The following SNTG2 variants were observed in gnomAD, a reference collection of about 807,000 sequenced individuals.
SNTG2 encodes syntrophin gamma 2.
In SNTG2, 74 loss-of-function variants were observed where a neutral mutation model predicts 70.9. The observed-to-expected ratio is 1.04, with a 90% CI of 0.86 to 1.27. SNTG2 has a LOEUF of 1.27. SNTG2 is among the 50% of genes most tolerant of loss of function. The pLI is 0.00. For missense variants in SNTG2, 717 were observed against 690.7 expected (o/e 1.04, Z -0.43); for synonymous variants, 278 against 273.8 (o/e 1.02, Z -0.15).
intron 9 of SNTG2, chr2:1,220,094 C>T (rs984640559): frequency 6.6e-6 from 1 of 152,274 alleles, no homozygotes; most frequent in African/African-American, 2.4e-5. Context: ...ATTCGTCCAT[C>T]CCAAGAGCAC....
At chr2:1,080,182 A>G (rs1470849797) in intron 1 of SNTG2, among the ~76,000 whole-genome samples, 1 of 152,186 alleles carries the variant, frequency 6.6e-6, no homozygotes, top group African/African-American at 2.4e-5. Flanking sequence ...GCTCAGATGC[A>G]TCGGTCACTG....
intron 7 of SNTG2, among the ~76,000 whole-genome samples, chr2:1,170,690 A>G (rs1406135512): frequency 2.6e-5 from 4 of 152,078 alleles, no homozygotes; most frequent in Non-Finnish European, 1.5e-5. Flanking sequence ...CCTAGGGAAT[A>G]TATCTGTGTA....
intron 1 of SNTG2, among the ~76,000 whole-genome samples, chr2:1,024,499 A>G (rs1458770291): frequency 1.3e-5 from 2 of 152,132 alleles, no homozygotes; most frequent in Non-Finnish European, 2.9e-5. Context: ...CTTCCTGAGT[A>G]GCTGGGACCA....
intron 8 of SNTG2, among the ~76,000 whole-genome samples, chr2:1,204,814 T>A (rs1673524564): frequency 6.6e-6 from 1 of 152,212 alleles, no homozygotes; most frequent in Non-Finnish European, 1.5e-5. Flanking sequence ...GGTTTGGTAC[T>A]ACGCACAGTT....
At chr2:1,016,606 C>T (rs1659899894) in intron 1 of SNTG2, among the ~76,000 whole-genome samples, 1 of 152,208 alleles carries the variant, frequency 6.6e-6, no homozygotes, top group African/African-American at 2.4e-5. Context: ...CTGCCTCCAG[C>T]AGAGACCGAA....
rs1409936339 is a variant in SNTG2 at position 1,317,001 on chromosome 2, T to G, written c.1488+626T>G. ...GAGAAGGTTGGGATTCTGGAGCATG[T>G]AGCATATGGCCAGCATTGGAGAAGG... On this transcript the variant is annotated intron_variant, in intron 16 of 16. Coordinates refer to ENST00000308624, the MANE Select transcript of SNTG2 (RefSeq NM_018968.4). 7.2e-3 allele frequency among the ~76,000 whole-genome samples: 382 copies of G among 53,208 alleles called. 4 individuals carry two copies. Among genetic ancestry groups the G allele is most frequent in the Middle Eastern group, 0.017 (1 of 60 alleles). 34.9% of individuals were successfully genotyped at this position (53,208 alleles called of 152,430 possible). A position where few individuals can be genotyped will look rare whatever the true frequency, so the allele number is the denominator to read the frequency against.
chr2:1,104,694 C>T lies in SNTG2; in HGVS notation c.325+6284C>T, dbSNP rs546394128. ...TGGCATTGTGAAAACCTGGGGACTC[C>T]GTCCAGGAGGGGCCGTGTGTGCTGT... On this transcript the variant is annotated intron_variant, in intron 4 of 16. Transcript: ENST00000308624. Among the ~76,000 whole-genome samples, 5 of 152,246 alleles carry T rather than the reference C, an allele frequency of 3.3e-5. No homozygotes were observed. The East Asian group carries it at 7.8e-4, about 24-fold the overall frequency.
At chr2:1,270,745 C>T (rs973444741) in intron 14 of SNTG2, among the ~76,000 whole-genome samples, 1 of 152,162 alleles carries the variant, frequency 6.6e-6, no homozygotes, top group Admixed American at 6.5e-5. Flanking sequence ...TTTTCTCCAC[C>T]TTCTGTCTCT....
At chr2:1,341,993 G>A (rs1660123241) in intron 16 of SNTG2, among the ~76,000 whole-genome samples, 1 of 152,054 alleles carries the variant, frequency 6.6e-6, no homozygotes, top group Non-Finnish European at 1.5e-5. Flanking sequence ...TTACAGCTGT[G>A]CACCACCTCA....
chr2:1,320,651 A>G (rs1681481205), intron 16 of SNTG2, among the ~76,000 whole-genome samples: 2 of 152,022 alleles, frequency 1.3e-5, no homozygotes, highest in Admixed American at 6.6e-5. Context: ...AGGTTGCAGT[A>G]GTTTTTAAAT....
intron 1 of SNTG2, among the ~76,000 whole-genome samples, chr2:1,029,900 CT>C (rs1421246816): frequency 6.6e-6 from 1 of 152,202 alleles, no homozygotes; most frequent in Non-Finnish European, 1.5e-5. Flanking sequence ...TGGCTTTTCC[CT>C]GTTAGGCATC....
At chr2:1,120,325 A>G (rs907912838) in intron 4 of SNTG2, among the ~76,000 whole-genome samples, 1 of 152,192 alleles carries the variant, frequency 6.6e-6, no homozygotes, top group Admixed American at 6.5e-5. Flanking sequence ...TGCATTGGTC[A>G]TTCCTTATCT....
chr2:1,117,070 C>G (rs1439167174), intron 4 of SNTG2, among the ~76,000 whole-genome samples: 1 of 146,930 alleles, frequency 6.8e-6, no homozygotes, highest in Non-Finnish European at 1.5e-5. Context: ...TGTGGGTGCC[C>G]CAATATGTGG....
intron 2 of SNTG2, among the ~76,000 whole-genome samples, chr2:1,085,795 T>C (rs755965671): frequency 6.6e-6 from 1 of 152,226 alleles, no homozygotes; most frequent in African/African-American, 2.4e-5. Flanking sequence ...GAGAGCCGGC[T>C]TCCTCTTACC....
intron 1 of SNTG2, among the ~76,000 whole-genome samples, chr2:959,586 G>T (rs1446349834): frequency 1.3e-5 from 2 of 151,844 alleles, no homozygotes; most frequent in Non-Finnish European, 2.9e-5. Context: ...TCCCGCAGTG[G>T]GCTGTGCAAA....
intron 4 of SNTG2, among the ~76,000 whole-genome samples, chr2:1,133,398 C>T (rs956375841): frequency 6.6e-6 from 1 of 152,206 alleles, no homozygotes; most frequent in Non-Finnish European, 1.5e-5. Flanking sequence ...TACATGACCT[C>T]AGATAACCCT....
At chr2:1,308,398 AT>A (rs1212983695) in intron 14 of SNTG2, 95 bp from the exon 15 acceptor site, 61 of 1,164,586 alleles carry the variant, frequency 5.2e-5, no homozygotes, top group Non-Finnish European at 1.1e-5. Context: ...GCATTTTATA[AT>A]TTTTGACCAA....
chr2:1,083,621 T>A lies in SNTG2; in HGVS notation c.176T>A (p.Val59Asp), dbSNP rs376666124. The change falls in exon 2 of 17, where the codon GTT becomes GAT. Residue 59 changes from valine to aspartate, a missense_variant. Val to Asp is a radical substitution (Grantham distance 152). Coordinates refer to ENST00000308624, the MANE Select transcript of SNTG2 (RefSeq NM_018968.4). Reference sequence around the variant, plus strand: ...GTGCTGACAATTCAGAAACAAGATGTTGTCTGTGTGGGCGGAAGCCACCAG... The same window carrying A: ...GTGCTGACAATTCAGAAACAAGATGATGTCTGTGTGGGCGGAAGCCACCAG... ...KEVLTIQKQD[V>D]VCVGGSHQGR... 3 of 1,613,666 alleles carry A rather than the reference T, an allele frequency of 1.9e-6. No individual in the cohort carries two copies. The African/African-American group carries it at 4.0e-5, about 22-fold the overall frequency.
intron 6 of SNTG2, among the ~76,000 whole-genome samples, chr2:1,147,045 TAAGTA>T (rs1229834185): frequency 6.6e-6 from 1 of 152,240 alleles, no homozygotes; most frequent in Non-Finnish European, 1.5e-5. Flanking sequence ...TATCAGCATT[TAAGTA>T]TTGTTAACTT....
Sources: allele counts gnomAD v4.1 joint callset (sites outside exome capture counted in the v4.1 genomes callset), GRCh38; gene constraint gnomAD v4.1.1; transcripts MANE v1.5; gene names NCBI Gene and HGNC (gene_info 2026-07-23, HGNC 2026-07-21).